TCF20: variants seen among roughly 807,000 people sequenced by gnomAD.
TCF20 encodes the protein SPRE-binding protein.
In TCF20, 3 loss-of-function variants were observed where a neutral mutation model predicts 148.6. The ratio of observed to expected loss-of-function variants is 0.02; its 90% CI spans 0.01 to 0.05. The LOEUF is 0.05. TCF20 is among the 10% of genes least tolerant of loss of function. The pLI is 1.00. For synonymous variants in TCF20, 1,049 were observed against 909.5 expected, an observed-to-expected ratio of 1.15 and a Z score of -2.76; for missense variants, 2,350 against 2,429.3, an observed-to-expected ratio of 0.97 and a Z score of 0.69.
upstream of TCF20, among the ~76,000 whole-genome samples, chr22:42,288,448 A>G (rs1295766578): frequency 6.6e-6 from 1 of 151,196 alleles, no homozygotes; most frequent in African/African-American, 2.4e-5. Context: ...AAGCAGAAGA[A>G]TCGCTTAAAC....
intron 1 of TCF20, among the ~76,000 whole-genome samples, chr22:42,235,412 C>A (rs912979710): frequency 6.6e-6 from 1 of 152,164 alleles, no homozygotes; most frequent in African/African-American, 2.4e-5. Flanking sequence ...AACTGGTGCA[C>A]ACCATCTCTC....
rs574018459 is a variant in TCF20 at position 42,171,152 on chromosome 22, A to G, written c.5750-1256T>C. ...CTCACACAAGGGTAGTGCATGGATCAGGGCAAGGAAATCTAATTAATGAGT... is the reference window on the plus strand; with the variant it reads ...CTCACACAAGGGTAGTGCATGGATCGGGGCAAGGAAATCTAATTAATGAGT... On this transcript the variant is annotated intron_variant, in intron 3 of 5. Coordinates refer to ENST00000677622, the MANE Select transcript of TCF20 (RefSeq NM_001378418.1). Among the ~76,000 whole-genome samples, 15 of 152,346 alleles carry G rather than the reference A, an allele frequency of 9.8e-5. No homozygotes were observed. In the South Asian group the frequency reaches 2.9e-3, roughly 29 times the overall value.
intron 2 of TCF20, among the ~76,000 whole-genome samples, chr22:42,200,746 C>G (rs1411332118): frequency 6.6e-6 from 1 of 151,998 alleles, no homozygotes; most frequent in Non-Finnish European, 1.5e-5. Context: ...TCGGTCCTTA[C>G]CAGCTCTTGC....
In TCF20 at chr22:42,292,909, A is replaced by G. The variant is rs1222558904; in HGVS notation, c.-37+50570T>C. On this transcript the variant is annotated intron_variant, in intron 1 of 1. Coordinates refer to the TCF20 transcript ENST00000515426. The surrounding 1 kb of genome is among the most constrained non-coding windows in gnomAD (Gnocchi z 4.9). ...TCCCCAGCGCTGGATACTAGATCCCACATCCCCCTCCCACTCTGTCCTGCC... is the reference window on the plus strand; with the variant it reads ...TCCCCAGCGCTGGATACTAGATCCCGCATCCCCCTCCCACTCTGTCCTGCC... Among the ~76,000 whole-genome samples the G allele has an allele frequency of 1.3e-5, 2 of 150,346 alleles. No homozygotes were observed. The highest frequency in any genetic ancestry group is 3.0e-5 in the Non-Finnish European group (2 of 67,630).
At chr22:42,285,309 T>TAGGATGTC (rs1455646363), upstream of TCF20, among the ~76,000 whole-genome samples, 1 of 151,740 alleles carries the variant, frequency 6.6e-6, no homozygotes, top group East Asian at 1.9e-4. This position sits in a 1 kb window ranked among gnomAD's most constrained non-coding sequence, Gnocchi z 4.2. Context: ...TTCCCATATC[T>TAGGATGTC]AGGATGTCAG....
At chr22:42,231,087 G>A (rs946475649) in intron 1 of TCF20, among the ~76,000 whole-genome samples, 6 of 152,094 alleles carry the variant, frequency 3.9e-5, no homozygotes, top group Non-Finnish European at 5.9e-5. Context: ...GCTTGAACTC[G>A]CGACATGGAG....
chr22:42,334,854 T>C (rs2147060644), intron 1 of TCF20, among the ~76,000 whole-genome samples: 1 of 152,306 alleles, frequency 6.6e-6, no homozygotes, highest in South Asian at 2.1e-4. Context: ...GTCCGTCCCA[T>C]GGGACTTTTA....
At chr22:42,191,679 T>C (rs1937342987) in intron 2 of TCF20, among the ~76,000 whole-genome samples, 1 of 152,354 alleles carries the variant, frequency 6.6e-6, no homozygotes, top group South Asian at 2.1e-4. Flanking sequence ...AAATTGCCAC[T>C]GTGCTGAAAA....
chr22:42,271,135 CA>C (rs1472079918), upstream of TCF20, among the ~76,000 whole-genome samples: 3 of 152,304 alleles, frequency 2.0e-5, no homozygotes, highest in South Asian at 2.1e-4. Context: ...TCCTGCCCGC[CA>C]AGAGCCCTCT....
At chr22:42,283,974 G>A (rs1167412072) in exon 1 of TCF20, among the ~76,000 whole-genome samples, 5 of 152,242 alleles carry the variant, frequency 3.3e-5, no homozygotes, top group Non-Finnish European at 5.9e-5. Context: ...GCAGTTTCTC[G>A]GCTCTCAGCC....
Position 42,214,699 on chromosome 22 carries a change from A to G in TCF20, c.607T>C (p.Ser203Pro), listed in dbSNP as rs772535471. 1 of 1,613,992 alleles carries G rather than the reference A, an allele frequency of 6.2e-7. No individual in the cohort carries two copies. Among genetic ancestry groups the G allele is most frequent in the African/African-American group, 1.3e-5 (1 of 74,916 alleles). Residue 203 changes from serine to proline, a missense_variant, in exon 2 of 6, where the codon TCC becomes CCC. Ser to Pro is a moderately conservative substitution (Grantham distance 74). Coordinates refer to ENST00000677622, the MANE Select transcript of TCF20 (RefSeq NM_001378418.1). The part of the protein sequence containing the change: ...PLPQATGQPA[S>P]SSSHLQPMQR... The stretch of plus-strand genomic sequence containing the variant: ...ATTGGCTGTAGATGGGATGAGCTGG[A>G]TGCTGGTTGGCCAGTGGCCTGTGGC...
intron 1 of TCF20, among the ~76,000 whole-genome samples, chr22:42,283,426 G>C (rs1926954332): frequency 6.6e-6 from 1 of 152,060 alleles, no homozygotes; most frequent in Admixed American, 6.5e-5. Flanking sequence ...GGAGGGGACG[G>C]GGGCGGGCAC....
At position 42,317,075 on chromosome 22, in the gene TCF20, A is replaced by C. The variant is rs549554450; in HGVS notation, c.-37+26404T>G. Among the ~76,000 whole-genome samples, 2 of 152,112 alleles carry C rather than the reference A, an allele frequency of 1.3e-5. No individual in the cohort carries two copies. The highest frequency in any genetic ancestry group is 3.9e-4 in the East Asian group (2 of 5,180). Reference sequence around the variant, plus strand: ...CTCAACACTCTTCCCAGACACCCCAAATCCCCCAAAGAGCACTGGCAACAC... The same window carrying C: ...CTCAACACTCTTCCCAGACACCCCACATCCCCCAAAGAGCACTGGCAACAC... On this transcript the variant is annotated intron_variant, in intron 1 of 1. Transcript: ENST00000515426. This position sits in a 1 kb window ranked among gnomAD's most constrained non-coding sequence, Gnocchi z 4.2.
intron 2 of TCF20, among the ~76,000 whole-genome samples, chr22:42,194,288 G>C (rs1226305547): frequency 6.6e-6 from 1 of 152,232 alleles, no homozygotes; most frequent in Non-Finnish European, 1.5e-5. Context: ...AGGTAGGTCT[G>C]AGAGAACAGA....
At chr22:42,268,209 T>A (rs551152077) in intron 1 of TCF20, among the ~76,000 whole-genome samples, 1 of 152,178 alleles carries the variant, frequency 6.6e-6, no homozygotes, top group Non-Finnish European at 1.5e-5. Context: ...AAATAAAAAG[T>A]GATCTGAGAA....
At chr22:42,201,674 A>G (rs1938031555) in intron 2 of TCF20, among the ~76,000 whole-genome samples, 1 of 151,774 alleles carries the variant, frequency 6.6e-6, no homozygotes, top group African/African-American at 2.4e-5. Flanking sequence ...AGGCTGAGGC[A>G]GGAGAATTGC....
At chr22:42,272,505 G>A (rs188305675), upstream of TCF20, among the ~76,000 whole-genome samples, 226 of 152,304 alleles carry the variant, frequency 1.5e-3, 1 homozygote, top group Middle Eastern at 0.014. Flanking sequence ...CCCGGGGGAT[G>A]CTGACAATCT....
intron 2 of TCF20, among the ~76,000 whole-genome samples, chr22:42,197,790 T>C (rs192557430): frequency 6.6e-6 from 1 of 152,098 alleles, no homozygotes; most frequent in Non-Finnish European, 1.5e-5. Context: ...TTAATGGACA[T>C]TAAACACAAA....
In TCF20 at chr22:42,212,573, A is replaced by T. The variant is rs772300345; in HGVS notation, c.2733T>A (p.Pro911=). 3 of 1,614,092 alleles carry T rather than the reference A, an allele frequency of 1.9e-6. No homozygotes were observed. Among genetic ancestry groups the T allele is most frequent in the Non-Finnish European group, 2.5e-6 (3 of 1,179,902 alleles). The part of the protein sequence containing the change: ...NPTLSQSVIL[P]GGLVSMETKL... Reference sequence around the variant, plus strand: ...TGGTTTCCATGGACACCAAACCACCAGGAAGAATGACCGACTGACTTAAAG... The same window carrying T: ...TGGTTTCCATGGACACCAAACCACCTGGAAGAATGACCGACTGACTTAAAG... The change falls in exon 2 of 6, where the codon CCT becomes CCA. Residue 911 remains proline (P), a synonymous_variant. Transcript: ENST00000677622.
Sources: allele counts gnomAD v4.1 joint callset (sites outside exome capture counted in the v4.1 genomes callset), GRCh38; gene constraint gnomAD v4.1.1; non-coding constraint Gnocchi (gnomAD v3.1); transcripts MANE v1.5; gene names NCBI Gene and HGNC (gene_info 2026-07-23, HGNC 2026-07-21).